The following DACH2 variants were observed in gnomAD, a reference collection of about 807,000 sequenced individuals.
DACH2 encodes dachshund family transcription factor 2.
DACH2 carries 17 observed loss-of-function variants against 35.8 expected under a neutral mutation model. The ratio of observed to expected loss-of-function variants is 0.48; its 90% CI spans 0.33 to 0.71. The LOEUF (loss-of-function observed/expected upper bound fraction) is 0.71, where lower values mean the gene tolerates loss of function less well. Ranked by LOEUF, DACH2 falls within the 30% of genes least tolerant of loss-of-function variation. The pLI is 0.02. For missense variants in DACH2, 469 were observed against 472.7 expected (o/e 0.99, Z 0.07); for synonymous variants, 195 against 177.3 (o/e 1.10, Z -0.79).
At chrX:86,445,771 G>A (rs1412201729) in intron 2 of DACH2, among the ~76,000 whole-genome samples, 1 of 110,484 alleles carries the variant, frequency 9.1e-6, no homozygotes, top group South Asian at 3.8e-4. Flanking sequence ...TTGTTTTGTG[G>A]CATAATATAT....
chrX:86,481,361 T>G (rs763688045), intron 2 of DACH2, among the ~76,000 whole-genome samples: 1 of 112,098 alleles, frequency 8.9e-6, no homozygotes, highest in Non-Finnish European at 1.9e-5. Context: ...CAAAATGTTT[T>G]TATGGATTTG....
chrX:86,569,307 T>C (rs1389791442), intron 3 of DACH2, among the ~76,000 whole-genome samples: 1 of 111,241 alleles, frequency 9.0e-6, no homozygotes, highest in East Asian at 2.9e-4. Flanking sequence ...GCTGTACGGA[T>C]CTAATAGCTT....
At chrX:86,294,419 C>T (rs1238492593) in intron 1 of DACH2, among the ~76,000 whole-genome samples, 1 of 110,328 alleles carries the variant, frequency 9.1e-6, no homozygotes, top group Non-Finnish European at 1.9e-5. Context: ...CTTCTTCTCT[C>T]AGCTTGTCAA....
At chrX:86,332,843 C>T (rs1338032373) in intron 1 of DACH2, among the ~76,000 whole-genome samples, 1 of 111,405 alleles carries the variant, frequency 9.0e-6, no homozygotes, top group Non-Finnish European at 1.9e-5. Context: ...TTCATCTCAC[C>T]AAATGTATAA....
chrX:86,295,218 A>G (rs2034421702), intron 1 of DACH2, among the ~76,000 whole-genome samples: 1 of 61,051 alleles, frequency 1.6e-5, no homozygotes, highest in Non-Finnish European at 2.8e-5. Context: ...TGACTAGGAA[A>G]GGGAACTCCC....
chrX:86,507,064 T>A (rs974283067), intron 2 of DACH2, among the ~76,000 whole-genome samples: 2 of 111,879 alleles, frequency 1.8e-5, no homozygotes, highest in Non-Finnish European at 3.8e-5. Flanking sequence ...GGAGTTTAAG[T>A]CAGCAAGGAA....
Position 86,423,198 on chromosome X carries a change from G to A in DACH2, c.527+46336G>A, listed in dbSNP as rs183239889. On this transcript the variant is annotated intron_variant, in intron 2 of 11. Transcript: ENST00000373125. ...TGGGTATATAGCCAGCAGGGAGATT[G>A]CGGAATAATATGGTAGCTCAATCTG... 2.8e-4 allele frequency among the ~76,000 whole-genome samples: 31 copies of A among 111,069 alleles called. No homozygotes were observed. In the East Asian group the frequency reaches 3.7e-3, roughly 13 times the overall value.
intron 1 of DACH2, among the ~76,000 whole-genome samples, chrX:86,294,581 G>T (rs2034398283): frequency 9.1e-6 from 1 of 109,531 alleles, no homozygotes; most frequent in South Asian, 4.0e-4. Context: ...TTTGATGATG[G>T]TGATGTACAG....
intron 3 of DACH2, among the ~76,000 whole-genome samples, chrX:86,560,479 A>T (rs61094811): frequency 3.8e-5 from 4 of 104,471 alleles, no homozygotes; most frequent in South Asian, 4.3e-4. Context: ...TGAATCTGAA[A>T]GTTGGCCTGC....
intron 3 of DACH2, among the ~76,000 whole-genome samples, chrX:86,642,889 AT>A (rs1602732369): frequency 1.8e-5 from 2 of 112,144 alleles, no homozygotes; most frequent in African/African-American, 6.5e-5. Flanking sequence ...ACAGAAATCA[AT>A]AAGTTCTTTA....
chrX:86,272,841 A>G (rs780255926), intron 1 of DACH2, among the ~76,000 whole-genome samples: 6 of 112,217 alleles, frequency 5.3e-5, no homozygotes, highest in African/African-American at 1.6e-4. Context: ...AGATCTCTCA[A>G]TGCGATAACG....
chrX:86,424,019 C>T (rs989741430), intron 2 of DACH2, among the ~76,000 whole-genome samples: 1 of 110,966 alleles, frequency 9.0e-6, no homozygotes, highest in African/African-American at 3.3e-5. Flanking sequence ...TTTCTGGGTT[C>T]TCAGTTCTGT....
At chrX:86,468,201 T>C (rs761685974) in intron 2 of DACH2, among the ~76,000 whole-genome samples, 3 of 111,934 alleles carry the variant, frequency 2.7e-5, no homozygotes, top group Non-Finnish European at 5.6e-5. Flanking sequence ...AAGTTATCAA[T>C]GCTTAGGCAC....
intron 11 of DACH2, among the ~76,000 whole-genome samples, chrX:86,819,385 C>T (rs2042485742): frequency 9.1e-6 from 1 of 110,496 alleles, no homozygotes; most frequent in African/African-American, 3.3e-5. Context: ...TCAACCAATC[C>T]CTGTTTCACA....
intron 1 of DACH2, among the ~76,000 whole-genome samples, chrX:86,294,917 G>A (rs2034410021): frequency 9.0e-6 from 1 of 111,056 alleles, no homozygotes; most frequent in Non-Finnish European, 1.9e-5. Context: ...TACAGAGGCA[G>A]GCAGGCCTCC....
At chrX:86,452,415 G>A (rs938473563) in intron 2 of DACH2, among the ~76,000 whole-genome samples, 2 of 111,313 alleles carry the variant, frequency 1.8e-5, no homozygotes, top group Admixed American at 1.9e-4. Context: ...GCTCTTCTTT[G>A]TACCTCTGGT....
At chrX:86,774,594 T>G (rs1483907220) in intron 7 of DACH2, among the ~76,000 whole-genome samples, 1 of 111,864 alleles carries the variant, frequency 8.9e-6, no homozygotes, top group Non-Finnish European at 1.9e-5. Flanking sequence ...TTGGGGGGTT[T>G]GTTATTCTAG....
intron 1 of DACH2, among the ~76,000 whole-genome samples, chrX:86,321,895 C>G (rs2035022596): frequency 8.9e-6 from 1 of 111,783 alleles, no homozygotes; most frequent in Non-Finnish European, 1.9e-5. Flanking sequence ...GGAACTGGTA[C>G]CCTAGTGGTG....
rs574131183 is a variant in DACH2 at position 86,314,935 on chromosome X, C to T, written c.489-61889C>T. 5.3e-5 allele frequency among the ~76,000 whole-genome samples: 6 copies of T among 112,496 alleles called. No individual in the cohort carries two copies. In the South Asian group the frequency reaches 2.2e-3, roughly 41 times the overall value. On this transcript the variant is annotated intron_variant, in intron 1 of 11. Coordinates refer to ENST00000373125, the MANE Select transcript of DACH2 (RefSeq NM_053281.3). The stretch of plus-strand genomic sequence containing the variant: ...AAACAGCGAGGTGAAGCAGCAAGTG[C>T]TGATTTAGAATGCAGCTAAGATAAT...
Sources: gnomAD v4.1 joint callset for allele counts (sites outside exome capture counted in the v4.1 genomes callset) on GRCh38, gnomAD v4.1.1 for gene constraint, MANE v1.5 for transcripts, NCBI Gene and HGNC (gene_info 2026-07-23, HGNC 2026-07-21) for gene names.